Variants in URI1 observed in about 807,000 individuals in gnomAD.
URI1 encodes the protein unconventional prefoldin RPB5 interactor 1.
A neutral mutation model predicts 60.2 loss-of-function variants in URI1; 39 were observed. The observed-to-expected ratio is 0.65, with a 90% CI of 0.50 to 0.85. The LOEUF is 0.85. Among genes scored for constraint, URI1 ranks in the 40% least tolerant of loss-of-function variants. The pLI is 0.00. For synonymous variants in URI1, 251 were observed against 236.8 expected (o/e 1.06, Z -0.55); for missense variants, 691 against 665.9 (o/e 1.04, Z -0.42).
intron 4 of URI1, among the ~76,000 whole-genome samples, chr19:30,003,398 C>T (rs1599720512): frequency 6.6e-6 from 1 of 151,904 alleles, no homozygotes; most frequent in East Asian, 1.9e-4. Flanking sequence ...TGGTGCTTAT[C>T]AGTTTGTGGT....
chr19:29,941,438 T>C (rs928211583), upstream of URI1, among the ~76,000 whole-genome samples: 1 of 151,836 alleles, frequency 6.6e-6, no homozygotes, highest in African/African-American at 2.4e-5. Context: ...CTGGGCAACA[T>C]AGGGAGACCC....
At chr19:29,940,818 G>T (rs1348309241), upstream of URI1, among the ~76,000 whole-genome samples, 1 of 152,158 alleles carries the variant, frequency 6.6e-6, no homozygotes, top group African/African-American at 2.4e-5. Flanking sequence ...CTAAACGAGG[G>T]GAAGTGGGGT....
intron 2 of URI1, among the ~76,000 whole-genome samples, chr19:29,979,014 G>C (rs1420828193): frequency 6.6e-6 from 1 of 151,560 alleles, no homozygotes; most frequent in African/African-American, 2.4e-5. Flanking sequence ...TTTCTCATAG[G>C]GATCAGTGAC....
intron 1 of URI1, chr19:29,956,397 G>A: frequency 1.3e-6 from 2 of 1,488,412 alleles, no homozygotes; most frequent in South Asian, 2.3e-5. Flanking sequence ...TCTGTAGCTG[G>A]ATAACTCTTA....
chr19:29,948,314 A>G (rs2055127642), intron 1 of URI1, among the ~76,000 whole-genome samples: 1 of 152,148 alleles, frequency 6.6e-6, no homozygotes, highest in Admixed American at 6.5e-5. Context: ...AGTGGGCATC[A>G]GGGGTCAACT....
At chr19:29,998,061 T>TA (rs1363795640) in intron 4 of URI1, among the ~76,000 whole-genome samples, 5 of 152,168 alleles carry the variant, frequency 3.3e-5, no homozygotes, top group Non-Finnish European at 5.9e-5. Context: ...CCATATTTTT[T>TA]AATTATGCCT....
At chr19:29,955,656 CTTTTCT>C (rs1487491059) in intron 1 of URI1, among the ~76,000 whole-genome samples, 2 of 55,858 alleles carry the variant, frequency 3.6e-5, no homozygotes, top group Non-Finnish European at 5.1e-5. Flanking sequence ...CCATTTTTTT[CTTTTCT>C]TTTTTTTTTT....
rs142906381 is a variant in URI1 at position 30,009,089 on chromosome 19, G to A, written c.771G>A (p.Ala257=). 3.2e-3 allele frequency: 5,172 copies of A among 1,613,906 alleles called. 14 individuals carry two copies. Among genetic ancestry groups the A allele is most frequent in the Non-Finnish European group, 3.9e-3 (4,630 of 1,179,924 alleles). Residue 257 remains alanine (A), a synonymous_variant, in exon 8 of 11, where the codon GCG becomes GCA. Transcript: ENST00000392271. Reference sequence around the variant, plus strand: ...AAGATCGTAACACAAATGTGAATGCGATGCATCAAGTAACAGACTCTCATA... The same window carrying A: ...AAGATCGTAACACAAATGTGAATGCAATGCATCAAGTAACAGACTCTCATA... The part of the protein sequence containing the change: ...EKEDRNTNVN[A]MHQVTDSHTP...
chr19:29,994,260 G>T lies in URI1; in HGVS notation c.367+7843G>T, dbSNP rs140096496. Among the ~76,000 whole-genome samples the T allele has an allele frequency of 1.6e-4, 24 of 152,122 alleles. No individual in the cohort carries two copies. The East Asian group carries it at 4.3e-3, about 27-fold the overall frequency. On this transcript the variant is annotated intron_variant, in intron 4 of 10. Transcript: ENST00000392271. ...ACTGATACCTTATTGTAGGCCCCCT[G>T]GCACTGCTAACTAGCTAACTTACTG...
chr19:29,947,758 T>TA (rs1260334664), intron 1 of URI1, among the ~76,000 whole-genome samples: 1 of 152,242 alleles, frequency 6.6e-6, no homozygotes, highest in Non-Finnish European at 1.5e-5. Flanking sequence ...TTGGAGCACT[T>TA]ACAGTGGTGT....
At chr19:29,951,408 G>A (rs1008591685) in intron 1 of URI1, among the ~76,000 whole-genome samples, 1 of 150,540 alleles carries the variant, frequency 6.6e-6, no homozygotes, top group Non-Finnish European at 1.5e-5. Context: ...AAGAACTCTA[G>A]CACCCCCCCC....
At position 29,974,747 on chromosome 19, in the gene URI1, C is replaced by T. The variant is rs557462376; in HGVS notation, c.152+3520C>T. ...AGCCCTTGCCCCTGCCCTTTCTCAC[C>T]GCTCTTGTATTCCCCAGTGTTTATT... On this transcript the variant is annotated intron_variant, in intron 2 of 10. Coordinates refer to ENST00000392271, the MANE Select transcript of URI1 (RefSeq NM_003796.3). 1.8e-4 allele frequency among the ~76,000 whole-genome samples: 28 copies of T among 152,292 alleles called. No homozygotes were observed. In the South Asian group the frequency reaches 1.9e-3, roughly 10 times the overall value.
chr19:30,005,138 A>G (rs1225662365), intron 4 of URI1, among the ~76,000 whole-genome samples: 1 of 152,082 alleles, frequency 6.6e-6, no homozygotes, highest in African/African-American at 2.4e-5. Context: ...TAGAGAGAAA[A>G]TATGTTAGAC....
At chr19:29,951,573 A>G (rs1473540875) in intron 1 of URI1, among the ~76,000 whole-genome samples, 1 of 148,346 alleles carries the variant, frequency 6.7e-6, no homozygotes, top group African/African-American at 2.5e-5. Flanking sequence ...TTTTTGAGAC[A>G]GAGTTTCTTG....
rs184099194 is a variant in URI1, at chr19:30,012,090, G to A, written c.1179-195G>A. On this transcript the variant is annotated intron_variant, in intron 9 of 10. Coordinates refer to ENST00000392271, the MANE Select transcript of URI1 (RefSeq NM_003796.3). ...TGCTGTGTTTTATTATTAGGCCAGA[G>A]AAATAGCTTTCAAAATAGTATGAAG... 2.4e-3 allele frequency among the ~76,000 whole-genome samples: 361 copies of A among 152,126 alleles called. 2 individuals are homozygous for A. The highest frequency in any genetic ancestry group is 8.4e-3 in the African/African-American group (350 of 41,476).
rs910005322 is a variant in URI1, at chr19:29,951,274, G to A, written c.117+8610G>A. ...AAATGGTATAGTACTTGAAGACAGT[G>A]TAAATATCCTATTCCTCAAAAGCCT... On this transcript the variant is annotated intron_variant, in intron 1 of 10. Coordinates refer to ENST00000392271, the MANE Select transcript of URI1 (RefSeq NM_003796.3). 5.3e-4 allele frequency among the ~76,000 whole-genome samples: 80 copies of A among 152,326 alleles called. 1 individual carries two copies. The highest frequency in any genetic ancestry group is 3.3e-4 in the Admixed American group (5 of 15,302).
At chr19:29,946,000 A>ATTT (rs1305901732) in intron 1 of URI1, among the ~76,000 whole-genome samples, 1 of 152,082 alleles carries the variant, frequency 6.6e-6, no homozygotes, top group Non-Finnish European at 1.5e-5. Flanking sequence ...AGGCAGGTTT[A>ATTT]TTTCTTGGTT....
At position 29,956,022 on chromosome 19, in the gene URI1, T is replaced by C. The variant is rs537385742; in HGVS notation, c.117+13358T>C. 1.5e-4 allele frequency among the ~76,000 whole-genome samples: 22 copies of C among 151,590 alleles called. No individual in the cohort carries two copies. In the East Asian group the frequency reaches 3.1e-3, roughly 21 times the overall value. ...TTTTTGAGATGGAGTTTCGCTCTTG[T>C]TGCCCAGGCTGGAGTGCAATGGAGT... On this transcript the variant is annotated intron_variant, in intron 1 of 10. Transcript: ENST00000392271.
chr19:29,982,429 A>G (rs1427055549), intron 2 of URI1, among the ~76,000 whole-genome samples: 7 of 152,048 alleles, frequency 4.6e-5, no homozygotes, highest in Admixed American at 2.0e-4. Context: ...TCTCCTAAGC[A>G]TTGTTACCAA....
Sources: allele counts gnomAD v4.1 joint callset (sites outside exome capture counted in the v4.1 genomes callset), GRCh38; gene constraint gnomAD v4.1.1; transcripts MANE v1.5; gene names NCBI Gene and HGNC (gene_info 2026-07-23, HGNC 2026-07-21).